Variants in PRIM2 observed in about 807,000 individuals in gnomAD.
PRIM2 encodes DNA primase large subunit.
Under a neutral mutation model 67.3 loss-of-function variants are expected in PRIM2, and 39 were observed. The ratio of observed to expected loss-of-function variants is 0.58; its 90% confidence interval spans 0.45 to 0.76. PRIM2 has a LOEUF of 0.76. Among genes scored for constraint, PRIM2 ranks in the 30% least tolerant of loss-of-function variants. The probability of loss-of-function intolerance (pLI) is 0.00; values close to 1 mark genes in which losing one functional copy is unlikely to be tolerated. For synonymous variants in PRIM2, 143 were observed against 198.7 expected (o/e 0.72, Z 2.36); for missense variants, 398 against 598.7 (o/e 0.66, Z 3.50).
At chr6:57,618,968 G>A (rs1776803626) in intron 12 of PRIM2, among the ~76,000 whole-genome samples, 1 of 152,214 alleles carries the variant, frequency 6.6e-6, no homozygotes, top group African/African-American at 2.4e-5. Flanking sequence ...AGGCCAACCA[G>A]CACAAAAATG....
intron 7 of PRIM2, among the ~76,000 whole-genome samples, chr6:57,415,578 T>C: frequency 6.6e-6 from 1 of 152,120 alleles, no homozygotes. Flanking sequence ...CTAATCAGAG[T>C]GGTGATTGCT....
chr6:57,324,285 GTATATGTT>G lies in PRIM2; in HGVS notation c.338+11_338+18del, dbSNP rs780446664. On this transcript the variant is annotated splice_donor_region_variant and intron_variant, in intron 4 of 13. Coordinates refer to ENST00000615550, the MANE Select transcript of PRIM2 (RefSeq NM_000947.5). ...GCGGCTTGCTTATTGCCAGTCGTAA[GTATATGTT>G]TATATTCTCACAGTCAAATCTGGTG... 1 of 1,560,142 alleles carries G rather than the reference GTATATGTT, an allele frequency of 6.4e-7. No homozygotes were observed. The highest frequency in any genetic ancestry group is 1.1e-5 in the South Asian group (1 of 87,630).
At chr6:57,595,949 G>A (rs1304663979) in intron 10 of PRIM2, among the ~76,000 whole-genome samples, 39 of 152,056 alleles carry the variant, frequency 2.6e-4, no homozygotes, top group Non-Finnish European at 4.4e-4. Flanking sequence ...TTCTAATTAT[G>A]GCTTGGTCTT....
rs1477840394 is a variant in PRIM2 at position 57,595,208 on chromosome 6, A to G, written c.1021-5885A>G. On this transcript the variant is annotated intron_variant, in intron 10 of 13. Coordinates refer to ENST00000615550, the MANE Select transcript of PRIM2 (RefSeq NM_000947.5). ...AATGTTTGGCAGCAATTCCACTTCT[A>G]TGTATTTATCCCAGAGAAATGAAAA... is the stretch of plus-strand genomic sequence containing the variant. Among the ~76,000 whole-genome samples the G allele has an allele frequency of 6.6e-5, 10 of 152,296 alleles. No homozygotes were observed. In the East Asian group the frequency reaches 1.9e-3, roughly 29 times the overall value.
chr6:57,632,978 G>T (rs1351798488), intron 13 of PRIM2, among the ~76,000 whole-genome samples: 2 of 152,178 alleles, frequency 1.3e-5, no homozygotes, highest in African/African-American at 4.8e-5. Flanking sequence ...GACCCAGTCT[G>T]GCACAGAATA....
At chr6:57,475,586 T>C (rs1438346996) in intron 7 of PRIM2, among the ~76,000 whole-genome samples, 1 of 152,204 alleles carries the variant, frequency 6.6e-6, no homozygotes, top group African/African-American at 2.4e-5. Context: ...ACCAGAATAA[T>C]GACTGTTTTC....
intron 8 of PRIM2, among the ~76,000 whole-genome samples, chr6:57,525,745 G>A (rs1156850838): frequency 1.3e-5 from 2 of 152,182 alleles, no homozygotes; most frequent in Non-Finnish European, 2.9e-5. Context: ...CCTTCATTTA[G>A]AAGAGACCTC....
chr6:57,416,895 GTTGTGGTCCATCCAGACCATTAAAAC>G (rs1771280767), intron 7 of PRIM2, among the ~76,000 whole-genome samples: 1 of 152,022 alleles, frequency 6.6e-6, no homozygotes, highest in Non-Finnish European at 1.5e-5. Flanking sequence ...TTAATGGAAT[GTTGTGGTCCATCCAGACCATTAAAAC>G]TTTCTTTATA....
chr6:57,240,152 T>G, the PRIM2 span, among the ~76,000 whole-genome samples: 1 of 144,818 alleles, frequency 6.9e-6, no homozygotes, highest in East Asian at 2.1e-4. Flanking sequence ...CAGGCTGGAG[T>G]GCAATGGCGC....
At chr6:57,457,264 G>A (rs1172088937) in intron 7 of PRIM2, among the ~76,000 whole-genome samples, 1 of 152,328 alleles carries the variant, frequency 6.6e-6, no homozygotes, top group Non-Finnish European at 1.5e-5. Context: ...CAGTCTTTCT[G>A]TTCTCAGATC....
chr6:57,229,519 G>T, the PRIM2 span, among the ~76,000 whole-genome samples: 7 of 148,906 alleles, frequency 4.7e-5, no homozygotes, highest in Non-Finnish European at 7.4e-5. Context: ...ACTGAATCTC[G>T]CTCTGTTGCC....
chr6:57,464,836 G>A (rs1773133303), intron 7 of PRIM2, among the ~76,000 whole-genome samples: 1 of 152,142 alleles, frequency 6.6e-6, no homozygotes, highest in East Asian at 1.9e-4. Context: ...TTACTGTGCA[G>A]AGTACTTCAT....
the PRIM2 span, among the ~76,000 whole-genome samples, chr6:57,297,833 A>G: frequency 5.9e-5 from 9 of 152,304 alleles, no homozygotes; most frequent in Admixed American, 5.2e-4. Flanking sequence ...ATGACTGACT[A>G]GTAATCTTCA....
chr6:57,302,972 T>C, the PRIM2 span, among the ~76,000 whole-genome samples: 1 of 152,208 alleles, frequency 6.6e-6, no homozygotes, highest in South Asian at 2.1e-4. Flanking sequence ...ACTTGAGTAA[T>C]GTAATGTAAA....
intron 10 of PRIM2, among the ~76,000 whole-genome samples, chr6:57,551,517 A>G (rs1775402570): frequency 6.6e-6 from 1 of 152,112 alleles, no homozygotes; most frequent in Non-Finnish European, 1.5e-5. Context: ...TAAGCTTGTC[A>G]TTTTCTTTTG....
At chr6:57,416,083 C>T (rs1355636409) in intron 7 of PRIM2, among the ~76,000 whole-genome samples, 27 of 152,186 alleles carry the variant, frequency 1.8e-4, no homozygotes, top group Non-Finnish European at 3.4e-4. Flanking sequence ...TTTCCACTTA[C>T]TTTGCTCAGA....
upstream of PRIM2, among the ~76,000 whole-genome samples, chr6:57,311,728 G>A (rs1767395998): frequency 6.6e-6 from 1 of 152,046 alleles, no homozygotes; most frequent in African/African-American, 2.4e-5. Flanking sequence ...CTGCACTCCA[G>A]CCTGGGCAAC....
chr6:57,538,748 C>T (rs1775070918), intron 10 of PRIM2, among the ~76,000 whole-genome samples: 1 of 152,184 alleles, frequency 6.6e-6, no homozygotes, highest in Middle Eastern at 3.2e-3. Flanking sequence ...TCTCCTGAGG[C>T]CTGTCTCCTT....
chr6:57,283,539 T>C, the PRIM2 span, among the ~76,000 whole-genome samples: 2 of 152,206 alleles, frequency 1.3e-5, no homozygotes, highest in Non-Finnish European at 2.9e-5. Flanking sequence ...AGCGTTAAGT[T>C]AGAGTTTTTG....
Sources: allele counts gnomAD v4.1 joint callset (sites outside exome capture counted in the v4.1 genomes callset), GRCh38; gene constraint gnomAD v4.1.1; transcripts MANE v1.5; gene names NCBI Gene and HGNC (gene_info 2026-07-23, HGNC 2026-07-21).